NRG3: variants seen among roughly 807,000 people sequenced by gnomAD.
NRG3 encodes neuregulin 3, also known as pro-neuregulin-3, membrane-bound isoform.
NRG3 carries 31 observed loss-of-function variants against 66.9 expected under a neutral mutation model. The ratio of observed to expected loss-of-function variants is 0.46; its 90% CI spans 0.35 to 0.63. NRG3 has a LOEUF of 0.63. NRG3 is among the 20% of genes least tolerant of loss of function. NRG3 has a pLI of 0.00. For missense variants in NRG3, 910 were observed against 878.9 expected, an observed-to-expected ratio of 1.04 and a Z score of -0.45; for synonymous variants, 393 against 359.4, an observed-to-expected ratio of 1.09 and a Z score of -1.06.
chr10:82,398,414 G>T (rs1302698979), intron 2 of NRG3, among the ~76,000 whole-genome samples: 1 of 151,902 alleles, frequency 6.6e-6, no homozygotes, highest in Non-Finnish European at 1.5e-5. Context: ...TTTTGAAGAG[G>T]GCTAAGCTAA....
At chr10:82,370,650 G>A (rs147864929) in intron 2 of NRG3, among the ~76,000 whole-genome samples, 35 of 152,178 alleles carry the variant, frequency 2.3e-4, no homozygotes, top group African/African-American at 4.6e-4. Flanking sequence ...AGAAGAGAGC[G>A]CCCTAAAACC....
At chr10:82,391,445 T>G (rs1035678349) in intron 2 of NRG3, among the ~76,000 whole-genome samples, 1 of 152,162 alleles carries the variant, frequency 6.6e-6, no homozygotes, top group African/African-American at 2.4e-5. Context: ...GTGTGTCAGC[T>G]CTGCACCTGG....
chr10:82,359,940 A>G (rs2084020666), intron 2 of NRG3, among the ~76,000 whole-genome samples: 1 of 152,206 alleles, frequency 6.6e-6, no homozygotes, highest in South Asian at 2.1e-4. Flanking sequence ...TTTAGTCCAC[A>G]GGGAAGATGT....
At chr10:82,132,525 G>GATATATATATGATAT (rs2068987638) in intron 1 of NRG3, among the ~76,000 whole-genome samples, 2 of 54,762 alleles carry the variant, frequency 3.7e-5, no homozygotes, top group African/African-American at 1.3e-4. Flanking sequence ...TGATATATAT[G>GATATATATATGATAT]ATATATATAT....
At chr10:82,595,700 G>T (rs538749503) in intron 2 of NRG3, among the ~76,000 whole-genome samples, 11 of 151,848 alleles carry the variant, frequency 7.2e-5, no homozygotes, top group Non-Finnish European at 1.0e-4. Flanking sequence ...CAGGAGAGTC[G>T]CTTGAACCCG....
intron 3 of NRG3, among the ~76,000 whole-genome samples, chr10:82,755,876 G>A (rs982718830): frequency 6.6e-6 from 1 of 152,046 alleles, no homozygotes; most frequent in African/African-American, 2.4e-5. Flanking sequence ...AAGAAAAGAA[G>A]CAGCTTTACT....
intron 2 of NRG3, among the ~76,000 whole-genome samples, chr10:82,736,738 C>T (rs1411380965): frequency 1.3e-5 from 2 of 152,106 alleles, no homozygotes; most frequent in Non-Finnish European, 2.9e-5. Flanking sequence ...TTTTAAGTAA[C>T]AAAGAACACT....
intron 1 of NRG3, among the ~76,000 whole-genome samples, chr10:82,250,405 T>G (rs1383622564): frequency 6.6e-6 from 1 of 152,026 alleles, no homozygotes; most frequent in East Asian, 1.9e-4. Flanking sequence ...GCCAACATAG[T>G]GAAACCCCAT....
At chr10:82,143,050 T>G (rs565444970) in intron 1 of NRG3, among the ~76,000 whole-genome samples, 1 of 151,430 alleles carries the variant, frequency 6.6e-6, no homozygotes, top group Non-Finnish European at 1.5e-5. Flanking sequence ...ATTACAGACC[T>G]GAGCCACTGT....
chr10:82,371,667 G>C (rs1298656486), intron 2 of NRG3, among the ~76,000 whole-genome samples: 1 of 152,244 alleles, frequency 6.6e-6, no homozygotes, highest in South Asian at 2.1e-4. Context: ...AGAAAAAAAA[G>C]GTTTCTTTGG....
chr10:82,051,066 G>T (rs12783360), intron 1 of NRG3, among the ~76,000 whole-genome samples: 36,485 of 151,890 alleles, frequency 0.24, 4,509 homozygotes, highest in Middle Eastern at 0.33. Flanking sequence ...GCAATATATC[G>T]AGAATTCTTC....
chr10:82,534,319 T>C (rs920123981), intron 2 of NRG3, among the ~76,000 whole-genome samples: 2 of 151,800 alleles, frequency 1.3e-5, no homozygotes, highest in Non-Finnish European at 2.9e-5. Context: ...TGGAGGGCAG[T>C]GATGCACAAT....
At chr10:82,218,458 A>G (rs1193254492) in intron 1 of NRG3, among the ~76,000 whole-genome samples, 1 of 152,196 alleles carries the variant, frequency 6.6e-6, no homozygotes, top group Non-Finnish European at 1.5e-5. Flanking sequence ...CTGTTCAGCC[A>G]TGGAGGACAC....
chr10:82,406,326 A>G (rs1357249679), intron 2 of NRG3, among the ~76,000 whole-genome samples: 1 of 152,208 alleles, frequency 6.6e-6, no homozygotes, highest in Admixed American at 6.5e-5. Flanking sequence ...TTAAACAGCA[A>G]CAACAATGAT....
intron 1 of NRG3, among the ~76,000 whole-genome samples, chr10:82,027,806 C>T (rs1323237477): frequency 2.0e-5 from 3 of 151,986 alleles, no homozygotes; most frequent in Admixed American, 2.0e-4. Context: ...GAGGCTCCAA[C>T]CAAATAACTG....
intron 2 of NRG3, among the ~76,000 whole-genome samples, chr10:82,592,320 C>T (rs1156312795): frequency 1.3e-5 from 2 of 152,104 alleles, no homozygotes; most frequent in African/African-American, 4.8e-5. Context: ...CCAGTCCAAT[C>T]GGCTAAAAGA....
At chr10:81,876,492 G>T (rs1841665540) in intron 1 of NRG3, among the ~76,000 whole-genome samples, 1 of 152,162 alleles carries the variant, frequency 6.6e-6, no homozygotes, top group African/African-American at 2.4e-5. Flanking sequence ...AGACCTGCTG[G>T]CGAGCTGCCG....
intron 2 of NRG3, among the ~76,000 whole-genome samples, chr10:82,397,295 AG>A (rs1458917926): frequency 6.6e-6 from 1 of 152,190 alleles, no homozygotes; most frequent in Non-Finnish European, 1.5e-5. Context: ...TGCCTGGTTT[AG>A]AATGCTCATC....
chr10:82,684,839 G>A (rs952953000), intron 2 of NRG3, among the ~76,000 whole-genome samples: 3 of 151,994 alleles, frequency 2.0e-5, no homozygotes, highest in African/African-American at 7.3e-5. Context: ...CCAAAAAATT[G>A]TTCCAGAAAA....
Sources: allele counts gnomAD v4.1 joint callset (sites outside exome capture counted in the v4.1 genomes callset), GRCh38; gene constraint gnomAD v4.1.1; transcripts MANE v1.5; gene names NCBI Gene and HGNC (gene_info 2026-07-23, HGNC 2026-07-21).